Variants in NR1H4 observed in about 807,000 individuals in gnomAD.
NR1H4 encodes nuclear receptor subfamily 1 group H member 4.
A neutral mutation model predicts 58.5 loss-of-function variants in NR1H4; 23 were observed. The ratio of observed to expected loss-of-function variants is 0.39; its 90% confidence interval spans 0.28 to 0.56. The LOEUF is 0.56. Ranked by LOEUF, NR1H4 falls within the 20% of genes least tolerant of loss-of-function variation. NR1H4 has a pLI of 0.58. For synonymous variants in NR1H4, 214 were observed against 198.0 expected (o/e 1.08, Z -0.68); for missense variants, 487 against 576.9 (o/e 0.84, Z 1.60).
chr12:100,547,223 G>A (rs1428150384), intron 9 of NR1H4, among the ~76,000 whole-genome samples: 1 of 152,170 alleles, frequency 6.6e-6, no homozygotes, highest in Non-Finnish European at 1.5e-5. Context: ...TCAAGGAAAT[G>A]TAATCAAGCT....
intron 3 of NR1H4, among the ~76,000 whole-genome samples, chr12:100,494,393 C>A (rs1447616652): frequency 6.6e-6 from 1 of 152,068 alleles, no homozygotes; most frequent in Non-Finnish European, 1.5e-5. Flanking sequence ...CATTTAAGGG[C>A]AGTGACCATA....
chr12:100,519,634 A>G (rs1458731543), intron 4 of NR1H4, among the ~76,000 whole-genome samples: 3 of 152,160 alleles, frequency 2.0e-5, no homozygotes, highest in African/African-American at 4.8e-5. Context: ...GCTCTATGCC[A>G]TGCTGGGTGC....
chr12:100,552,136 T>C (rs918072661), intron 9 of NR1H4, among the ~76,000 whole-genome samples: 1 of 152,176 alleles, frequency 6.6e-6, no homozygotes, highest in African/African-American at 2.4e-5. Context: ...AGCACTAATA[T>C]AGTGCCTGAC....
At chr12:100,495,740 C>CAA (rs201311922) in intron 3 of NR1H4, among the ~76,000 whole-genome samples, 1 of 146,532 alleles carries the variant, frequency 6.8e-6, no homozygotes, top group African/African-American at 2.5e-5. Flanking sequence ...GAAAAACAAA[C>CAA]AAAAAAAAAA....
chr12:100,554,450 G>A (rs1212907361), intron 9 of NR1H4, among the ~76,000 whole-genome samples: 2 of 150,642 alleles, frequency 1.3e-5, no homozygotes, highest in African/African-American at 2.4e-5. Flanking sequence ...TCCCAATTAC[G>A]ACTAGAAAGC....
chr12:100,505,444 T>C (rs1953936716), intron 3 of NR1H4: 1 of 498,510 alleles, frequency 2.0e-6, no homozygotes, highest in Admixed American at 3.5e-5. Context: ...CCCTATGTGG[T>C]TAGTGGCTAC....
At chr12:100,474,232 A>G (rs570372270) in intron 1 of NR1H4, among the ~76,000 whole-genome samples, 173 bp downstream of exon 1, 24 of 152,362 alleles carry the variant, frequency 1.6e-4, no homozygotes, top group African/African-American at 5.5e-4. Flanking sequence ...CTAAAAAACA[A>G]AAAGAAGCAG....
At chr12:100,548,259 C>T (rs1162290357) in intron 9 of NR1H4, among the ~76,000 whole-genome samples, 2 of 150,726 alleles carry the variant, frequency 1.3e-5, no homozygotes, top group Non-Finnish European at 3.0e-5. Context: ...CCCAGCTAGT[C>T]AGGAGGCTGA....
chr12:100,531,284 C>T (rs1257154926), intron 4 of NR1H4, among the ~76,000 whole-genome samples: 10 of 152,052 alleles, frequency 6.6e-5, no homozygotes, highest in African/African-American at 1.9e-4. Context: ...GGTGAAACCC[C>T]ATCTCTACTA....
intron 3 of NR1H4, among the ~76,000 whole-genome samples, chr12:100,493,691 C>T (rs963879237): frequency 6.6e-6 from 1 of 152,194 alleles, no homozygotes; most frequent in Non-Finnish European, 1.5e-5. Flanking sequence ...GCGATTCCTC[C>T]TCTAAGGCTA....
At chr12:100,547,376 C>G (rs992168234) in intron 9 of NR1H4, among the ~76,000 whole-genome samples, 2 of 152,116 alleles carry the variant, frequency 1.3e-5, no homozygotes, top group Non-Finnish European at 2.9e-5. Flanking sequence ...TCCACATGAT[C>G]CACTATGGCT....
chr12:100,522,468 G>A (rs1042563773), intron 4 of NR1H4, among the ~76,000 whole-genome samples: 1 of 151,738 alleles, frequency 6.6e-6, no homozygotes, highest in Non-Finnish European at 1.5e-5. Flanking sequence ...TATTATCATT[G>A]GGTTGTTGTG....
intron 4 of NR1H4, among the ~76,000 whole-genome samples, chr12:100,531,659 C>T (rs1217769842): frequency 2.0e-5 from 3 of 152,174 alleles, no homozygotes; most frequent in Admixed American, 6.5e-5. Flanking sequence ...GCCTCCTTGA[C>T]TCTGAAAGTG....
At chr12:100,512,355 A>G (rs929362029) in intron 4 of NR1H4, among the ~76,000 whole-genome samples, 15 of 151,892 alleles carry the variant, frequency 9.9e-5, no homozygotes, top group Non-Finnish European at 7.4e-5. Context: ...AAAAATGACA[A>G]TGTAGGCCGG....
At chr12:100,476,995 C>T (rs935033986) in intron 1 of NR1H4, among the ~76,000 whole-genome samples, 31 of 152,256 alleles carry the variant, frequency 2.0e-4, no homozygotes, top group African/African-American at 5.5e-4. Context: ...CATCACCATA[C>T]GAGTGTCCTT....
At chr12:100,485,653 C>T (rs1180163947) in intron 1 of NR1H4, among the ~76,000 whole-genome samples, 2 of 152,064 alleles carry the variant, frequency 1.3e-5, no homozygotes. Flanking sequence ...CTGCCTCAGC[C>T]TCCCGAGTAG....
At chr12:100,508,507 A>C (rs778790371) in intron 3 of NR1H4, among the ~76,000 whole-genome samples, 2 of 152,132 alleles carry the variant, frequency 1.3e-5, no homozygotes, top group African/African-American at 2.4e-5. Context: ...AATTCAGTGC[A>C]TGGGCTTTGA....
intron 4 of NR1H4, among the ~76,000 whole-genome samples, chr12:100,525,639 G>C (rs974843763): frequency 6.6e-6 from 1 of 152,182 alleles, no homozygotes; most frequent in African/African-American, 2.4e-5. Flanking sequence ...TTAGGGTAAT[G>C]CTGGCCTCAT....
chr12:100,548,668 G>T (rs1042938688), intron 9 of NR1H4, among the ~76,000 whole-genome samples: 3 of 151,976 alleles, frequency 2.0e-5, no homozygotes, highest in African/African-American at 7.3e-5. Context: ...TTTTTAACAA[G>T]CTTTTATTGA....
Sources: gnomAD v4.1 joint callset for allele counts (sites outside exome capture counted in the v4.1 genomes callset) on GRCh38, gnomAD v4.1.1 for gene constraint, MANE v1.5 for transcripts, NCBI Gene and HGNC (gene_info 2026-07-23, HGNC 2026-07-21) for gene names.